STXBP3: variants seen among roughly 807,000 people sequenced by gnomAD.
STXBP3 encodes the protein syntaxin binding protein 3, also known as syntaxin-binding protein 3.
STXBP3 carries 41 observed loss-of-function variants against 85.7 expected under a neutral mutation model. The ratio of observed to expected loss-of-function variants is 0.48; its 90% confidence interval spans 0.37 to 0.62. The LOEUF is 0.62. Ranked by LOEUF, STXBP3 falls within the 20% of genes least tolerant of loss-of-function variation. STXBP3 has a pLI of 0.00. For synonymous variants in STXBP3, 229 were observed against 231.7 expected (o/e 0.99, Z 0.10); for missense variants, 563 against 703.1 (o/e 0.80, Z 2.25).
intron 9 of STXBP3, chr1:108,780,067 A>G (rs2101122458): frequency 6.6e-6 from 1 of 152,284 alleles, no homozygotes; most frequent in African/African-American, 2.4e-5. Flanking sequence ...TGATTTCTGA[A>G]TCCAAACTGG....
chr1:108,780,764 CT>C lies in STXBP3; in HGVS notation c.809+1368del, dbSNP rs36126153. On this transcript the variant is annotated intron_variant, in intron 9 of 18. Coordinates refer to ENST00000370008, the MANE Select transcript of STXBP3 (RefSeq NM_007269.4). ...CATGTTGGTGCCTTCTTTAAATTTA[CT>C]TTTTTTTTTTTTTCTTTTTTTGAGA... 5.4e-4 allele frequency: 74 copies of C among 137,118 alleles called. No individual in the cohort carries two copies. The South Asian group carries it at 6.3e-3, about 12-fold the overall frequency. The allele number at this position is 137,118 out of a possible 1,614,324, so 8.5% of individuals were successfully genotyped here. A position where few individuals can be genotyped will look rare whatever the true frequency, so the allele number is the denominator to read the frequency against.
rs951810467 is a variant in STXBP3, at chr1:108,746,887, C to T, written c.49+101C>T. The T allele has an allele frequency of 3.6e-5, 43 of 1,191,056 alleles. No homozygotes were observed. The East Asian group carries it at 8.1e-4, about 22-fold the overall frequency. 73.8% of individuals were successfully genotyped at this position (1,191,056 alleles called of 1,614,324 possible). A position where few individuals can be genotyped will look rare whatever the true frequency, so the allele number is the denominator to read the frequency against. Reference sequence around the variant, plus strand: ...ACCCAGCGGTCTGTTGAGGAGCCGCCGCGAGCACTTGTTGCTTTGGGACCT... The same window carrying T: ...ACCCAGCGGTCTGTTGAGGAGCCGCTGCGAGCACTTGTTGCTTTGGGACCT... On this transcript the variant is annotated intron_variant, in intron 1 of 18. Transcript: ENST00000370008.
chr1:108,750,812 C>G (rs1363988884), intron 1 of STXBP3, among the ~76,000 whole-genome samples: 1 of 152,188 alleles, frequency 6.6e-6, no homozygotes, highest in African/African-American at 2.4e-5. Flanking sequence ...CCTACAACCT[C>G]CCTTCCCTTT....
intron 17 of STXBP3, among the ~76,000 whole-genome samples, chr1:108,804,232 A>G (rs1297706927): frequency 6.6e-6 from 1 of 152,040 alleles, no homozygotes; most frequent in Admixed American, 6.5e-5. Flanking sequence ...GTTTCATTCT[A>G]GAAATTTTTC....
chr1:108,807,636 G>A, intron 18 of STXBP3, 87 bp downstream of exon 18: 13 of 1,406,882 alleles, frequency 9.2e-6, no homozygotes, highest in Non-Finnish European at 1.2e-5. Flanking sequence ...GAGTGGAATG[G>A]CGCAATCTTG....
chr1:108,748,183 T>G (rs1661832426), intron 1 of STXBP3, among the ~76,000 whole-genome samples: 2 of 152,174 alleles, frequency 1.3e-5, no homozygotes. Flanking sequence ...AATTAACATT[T>G]TAAATTGCTT....
chr1:108,759,967 G>T lies in STXBP3; in HGVS notation c.338-18G>T, dbSNP rs776887958. The T allele has an allele frequency of 7.0e-6, 10 of 1,418,776 alleles. No homozygotes were observed. The South Asian group carries it at 1.0e-4, about 15-fold the overall frequency. 87.9% of individuals were successfully genotyped at this position (1,418,776 alleles called of 1,614,324 possible). A position where few individuals can be genotyped will look rare whatever the true frequency, so the allele number is the denominator to read the frequency against. The stretch of plus-strand genomic sequence containing the variant: ...AAATCTAGATGTAACTATATGCTTT[G>T]TTTTTTTTTCCCCTCAGTTTGCCCT... On this transcript the variant is annotated intron_variant, in intron 5 of 18. Coordinates refer to ENST00000370008, the MANE Select transcript of STXBP3 (RefSeq NM_007269.4).
intron 16 of STXBP3, among the ~76,000 whole-genome samples, chr1:108,799,969 A>G (rs1028752952): frequency 1.3e-5 from 2 of 152,170 alleles, no homozygotes; most frequent in African/African-American, 4.8e-5. Flanking sequence ...GGTGCCTGGA[A>G]TCCTTATAAC....
intron 2 of STXBP3, 93 bp downstream of exon 2, chr1:108,752,399 T>C (rs1472410526): frequency 8.6e-7 from 1 of 1,165,838 alleles, no homozygotes; most frequent in East Asian, 2.5e-5. Context: ...TGGTATTAGG[T>C]ATTCTAGTAT....
chr1:108,773,698 C>T (rs761169387), intron 7 of STXBP3, among the ~76,000 whole-genome samples: 21 of 151,980 alleles, frequency 1.4e-4, no homozygotes, highest in Non-Finnish European at 2.1e-4. Flanking sequence ...TCGACTGGGA[C>T]AATTTAGACA....
chr1:108,749,367 GAA>G (rs1352268622), intron 1 of STXBP3, among the ~76,000 whole-genome samples: 2 of 152,162 alleles, frequency 1.3e-5, no homozygotes, highest in African/African-American at 2.4e-5. Flanking sequence ...TTCAAAGAGA[GAA>G]AGGCTGTAAG....
intron 9 of STXBP3, 161 bp downstream of exon 9, chr1:108,779,571 A>G: frequency 1.4e-6 from 1 of 732,680 alleles, no homozygotes; most frequent in Non-Finnish European, 1.9e-6. Flanking sequence ...TCTTTGACAG[A>G]TAATGTTGAC....
intron 4 of STXBP3, among the ~76,000 whole-genome samples, chr1:108,757,885 GATAA>G (rs1662053954): frequency 6.6e-6 from 1 of 151,940 alleles, no homozygotes; most frequent in Non-Finnish European, 1.5e-5. Flanking sequence ...TGAATAAAAT[GATAA>G]ATAAATGAAA....
chr1:108,804,317 T>G (rs1663286495), intron 17 of STXBP3, among the ~76,000 whole-genome samples: 1 of 152,140 alleles, frequency 6.6e-6, no homozygotes, highest in African/African-American at 2.4e-5. Context: ...TTTTTTCTTT[T>G]TCTATTTTCA....
intron 15 of STXBP3, among the ~76,000 whole-genome samples, chr1:108,797,867 C>T (rs1203642592): frequency 2.0e-5 from 3 of 152,112 alleles, no homozygotes. Flanking sequence ...TCCCTAGTAG[C>T]TGGGACTACA....
chr1:108,758,547 C>T lies in STXBP3; in HGVS notation c.296C>T (p.Ser99Leu), dbSNP rs751933199. The T allele has an allele frequency of 1.1e-5, 17 of 1,545,098 alleles. No homozygotes were observed. The Admixed American group carries it at 2.0e-4, about 18-fold the overall frequency. Residue 99 changes from serine (S) to leucine (L), a missense_variant, in exon 5 of 19, where the codon TCG becomes TTG. Transcript: ENST00000370008. ...DCFLHDFASKSENKYKAAYIY... is the reference protein window; with the variant it reads ...DCFLHDFASKLENKYKAAYIY... ...TTCTTACATGATTTTGCAAGTAAAT[C>T]GGAGAACAAGTATAAAGCAGCATAT...
At chr1:108,761,772 A>G (rs1570750445) in intron 6 of STXBP3, among the ~76,000 whole-genome samples, 1 of 152,146 alleles carries the variant, frequency 6.6e-6, no homozygotes, top group East Asian at 1.9e-4. Flanking sequence ...GGAGTTCAAG[A>G]CCAGCCTGGC....
chr1:108,774,215 C>A (rs1159977610), intron 7 of STXBP3, among the ~76,000 whole-genome samples: 1 of 152,072 alleles, frequency 6.6e-6, no homozygotes, highest in African/African-American at 2.4e-5. Context: ...TCTGCTAGTT[C>A]ATGTGTGACC....
chr1:108,782,851 A>G, intron 11 of STXBP3, 145 bp downstream of exon 11: 1 of 615,548 alleles, frequency 1.6e-6, no homozygotes, highest in Non-Finnish European at 2.7e-6. Context: ...CCCATTGCCT[A>G]GTTTCAATAG....
Sources: allele counts gnomAD v4.1 joint callset (sites outside exome capture counted in the v4.1 genomes callset), GRCh38; gene constraint gnomAD v4.1.1; transcripts MANE v1.5; gene names NCBI Gene and HGNC (gene_info 2026-07-23, HGNC 2026-07-21).